Variants in KCNQ3 observed in about 807,000 individuals in gnomAD.
KCNQ3 encodes the protein potassium voltage-gated channel subfamily Q member 3, also known as potassium voltage-gated channel subfamily KQT member 3.
KCNQ3 carries 30 observed loss-of-function variants against 92.5 expected under a neutral mutation model. The observed-to-expected ratio is 0.32, with a 90% CI of 0.24 to 0.44. KCNQ3 has a LOEUF of 0.44. Ranked by LOEUF, KCNQ3 falls within the 20% of genes least tolerant of loss-of-function variation. The pLI, the probability that KCNQ3 is intolerant of heterozygous loss-of-function variation, is 1.00. For synonymous variants in KCNQ3, 450 were observed against 468.8 expected, an observed-to-expected ratio of 0.96 and a Z score of 0.52; for missense variants, 913 against 1,140.3, an observed-to-expected ratio of 0.80 and a Z score of 2.87.
chr8:132,288,686 G>A (rs1816749554), intron 1 of KCNQ3, among the ~76,000 whole-genome samples: 1 of 151,986 alleles, frequency 6.6e-6, no homozygotes, highest in South Asian at 2.1e-4. Context: ...GCATTGTATG[G>A]GTGTTTTTTT....
In KCNQ3 at chr8:132,292,378, T is replaced by C. The variant is rs1215077150; in HGVS notation, c.387-106197A>G. 5.3e-5 allele frequency among the ~76,000 whole-genome samples: 8 copies of C among 152,330 alleles called. No homozygotes were observed. The East Asian group carries it at 1.5e-3, about 29-fold the overall frequency. On this transcript the variant is annotated intron_variant, in intron 1 of 14. Coordinates refer to ENST00000388996, the MANE Select transcript of KCNQ3 (RefSeq NM_004519.4). Reference sequence around the variant, plus strand: ...TGAGGTAAACATTATTCATCCCCACTGTGCAAATGAGGAAAAAGAGGTTCA... The same window carrying C: ...TGAGGTAAACATTATTCATCCCCACCGTGCAAATGAGGAAAAAGAGGTTCA...
intron 1 of KCNQ3, chr8:132,447,116 G>C: frequency 1.7e-6 from 2 of 1,199,758 alleles, no homozygotes; most frequent in Non-Finnish European, 2.4e-6. Flanking sequence ...TATGCATGTG[G>C]CTCTTTCCCT....
At chr8:132,310,883 T>C (rs1817574034) in intron 1 of KCNQ3, among the ~76,000 whole-genome samples, 1 of 152,142 alleles carries the variant, frequency 6.6e-6, no homozygotes, top group Non-Finnish European at 1.5e-5. Flanking sequence ...TGGTGACCAC[T>C]GGGAAGCAGC....
chr8:132,356,475 C>T (rs1819020499), intron 1 of KCNQ3, among the ~76,000 whole-genome samples: 1 of 152,294 alleles, frequency 6.6e-6, no homozygotes, highest in Admixed American at 6.5e-5. Flanking sequence ...TCAGGTAGAC[C>T]TCAAGCCTCC....
At chr8:132,453,418 G>A (rs1160622649) in intron 1 of KCNQ3, among the ~76,000 whole-genome samples, 5 of 152,204 alleles carry the variant, frequency 3.3e-5, no homozygotes, top group Admixed American at 2.6e-4. Context: ...GATGAGGCCT[G>A]AGAGGTCGGG....
chr8:132,356,239 G>A (rs1246545368), intron 1 of KCNQ3, among the ~76,000 whole-genome samples: 1 of 152,124 alleles, frequency 6.6e-6, no homozygotes, highest in East Asian at 1.9e-4. Flanking sequence ...CAGCCATCAC[G>A]GAAGAAATAT....
Position 132,151,421 on chromosome 8 carries a change from A to G in KCNQ3, c.1263-10090T>C, listed in dbSNP as rs527611084. Among the ~76,000 whole-genome samples, 3 of 152,376 alleles carry G rather than the reference A, an allele frequency of 2.0e-5. No homozygotes were observed. The East Asian group carries it at 5.8e-4, about 29-fold the overall frequency. ...ATAATTGTTTTAAATTAGATATAAT[A>G]AAGCTAAAAGTTTAAACAAATGGTG... On this transcript the variant is annotated intron_variant, in intron 9 of 14. Transcript: ENST00000388996.
At chr8:132,332,477 T>C (rs1638417492) in intron 1 of KCNQ3, among the ~76,000 whole-genome samples, 1 of 152,232 alleles carries the variant, frequency 6.6e-6, no homozygotes, top group Non-Finnish European at 1.5e-5. Context: ...ACTAGTTCTA[T>C]CTTCCAGGAA....
rs1456815257 is a variant in KCNQ3, at chr8:132,128,657, G to A, written c.*605C>T. The A allele has an allele frequency of 6.5e-6, 1 of 154,920 alleles. No individual in the cohort carries two copies. The highest frequency in any genetic ancestry group is 6.3e-5 in the Admixed American group (1 of 15,970). 9.6% of individuals were successfully genotyped at this position (154,920 alleles called of 1,614,324 possible). A position where few individuals can be genotyped will look rare whatever the true frequency, so the allele number is the denominator to read the frequency against. On this transcript the variant is annotated 3_prime_UTR_variant, in exon 15 of 15. Transcript: ENST00000388996. ...TACTAAGTAACATCAGGCCAAGTGA[G>A]GTCTTTTGGAGAGCTTTTAAAAGGT... is the stretch of plus-strand genomic sequence containing the variant.
intron 1 of KCNQ3, among the ~76,000 whole-genome samples, chr8:132,225,548 A>G (rs1445448299): frequency 1.3e-5 from 2 of 152,202 alleles, no homozygotes; most frequent in Admixed American, 1.3e-4. Flanking sequence ...TATATATGCT[A>G]CCAAGAGGGT....
intron 2 of KCNQ3, among the ~76,000 whole-genome samples, chr8:132,184,988 A>G (rs561904027): frequency 6.6e-6 from 1 of 152,342 alleles, no homozygotes; most frequent in East Asian, 1.9e-4. Flanking sequence ...TCCAGGACAC[A>G]GGGTCCCCCT....
chr8:132,131,115 T>C (rs1824864339), intron 14 of KCNQ3, among the ~76,000 whole-genome samples: 2 of 152,246 alleles, frequency 1.3e-5, no homozygotes, highest in Non-Finnish European at 2.9e-5. Flanking sequence ...TTATCTCTAT[T>C]TCACAGGCAA....
At chr8:132,368,888 A>G (rs1012443198) in intron 1 of KCNQ3, among the ~76,000 whole-genome samples, 1 of 147,798 alleles carries the variant, frequency 6.8e-6, no homozygotes, top group African/African-American at 2.6e-5. Context: ...ACATTTTTTC[A>G]GATTTCACCA....
chr8:132,384,566 G>A (rs1173268862), intron 1 of KCNQ3, among the ~76,000 whole-genome samples: 1 of 152,144 alleles, frequency 6.6e-6, no homozygotes, highest in Non-Finnish European at 1.5e-5. Flanking sequence ...ATGGGAAAAG[G>A]TTGCAACCCA....
At chr8:132,201,967 T>A (rs1458034331) in intron 1 of KCNQ3, among the ~76,000 whole-genome samples, 1 of 152,214 alleles carries the variant, frequency 6.6e-6, no homozygotes, top group Non-Finnish European at 1.5e-5. Flanking sequence ...ATTCTTTATG[T>A]CTGCAGAATT....
intron 1 of KCNQ3, among the ~76,000 whole-genome samples, chr8:132,383,405 G>T (rs1303478753): frequency 6.6e-6 from 1 of 152,210 alleles, no homozygotes; most frequent in Admixed American, 6.5e-5. Flanking sequence ...CAGCCTGCAG[G>T]GATCTGGGGC....
At chr8:132,385,745 G>A (rs1819873408) in intron 1 of KCNQ3, among the ~76,000 whole-genome samples, 2 of 152,084 alleles carry the variant, frequency 1.3e-5, no homozygotes, top group Admixed American at 1.3e-4. Flanking sequence ...TTGTGTATGG[G>A]TACAAAGTTA....
chr8:132,149,395 T>G (rs1825564009), intron 9 of KCNQ3, among the ~76,000 whole-genome samples: 1 of 152,156 alleles, frequency 6.6e-6, no homozygotes, highest in Admixed American at 6.5e-5. Flanking sequence ...TCCTTTTTCC[T>G]TTTGCCCACT....
intron 9 of KCNQ3, among the ~76,000 whole-genome samples, chr8:132,141,793 C>G (rs1448164602): frequency 2.0e-5 from 3 of 152,182 alleles, no homozygotes; most frequent in African/African-American, 7.2e-5. Context: ...TAAAGCAGCA[C>G]TCTTAATTTG....
Sources: allele counts gnomAD v4.1 joint callset (sites outside exome capture counted in the v4.1 genomes callset), GRCh38; gene constraint gnomAD v4.1.1; transcripts MANE v1.5; gene names NCBI Gene and HGNC (gene_info 2026-07-23, HGNC 2026-07-21).